The following CDH17 variants were observed in gnomAD, a reference collection of about 807,000 sequenced individuals.
The protein encoded by CDH17 is cadherin-17.
CDH17 carries 67 observed loss-of-function variants against 86.3 expected under a neutral mutation model. That is an observed-to-expected ratio of 0.78 (90% CI 0.64 to 0.95). CDH17 has a LOEUF of 0.95. CDH17 is among the 40% of genes least tolerant of loss of function. The probability of loss-of-function intolerance (pLI) is 0.00; values close to 1 mark genes in which losing one functional copy is unlikely to be tolerated. For missense variants in CDH17, 993 were observed against 1,017.6 expected (o/e 0.98, Z 0.33); for synonymous variants, 367 against 366.4 (o/e 1.00, Z -0.02).
chr8:94,172,510 A>G (rs1022139082), intron 7 of CDH17, among the ~76,000 whole-genome samples: 1 of 152,084 alleles, frequency 6.6e-6, no homozygotes. Flanking sequence ...TAATATTTTT[A>G]TCTACTTTTA....
upstream of CDH17, among the ~76,000 whole-genome samples, chr8:94,211,995 A>C (rs1384475140): frequency 1.3e-5 from 2 of 152,226 alleles, no homozygotes; most frequent in East Asian, 3.8e-4. Flanking sequence ...TAGAGTTCAC[A>C]GTTTTTGTTC....
chr8:94,207,896 G>A (rs541418553), intron 1 of CDH17, among the ~76,000 whole-genome samples: 12 of 152,312 alleles, frequency 7.9e-5, no homozygotes, highest in South Asian at 2.1e-4. Flanking sequence ...TGATTAACAC[G>A]CACATCAGCC....
intron 7 of CDH17, among the ~76,000 whole-genome samples, chr8:94,172,781 T>G (rs1003535963): frequency 6.6e-6 from 1 of 151,544 alleles, no homozygotes; most frequent in Non-Finnish European, 1.5e-5. Flanking sequence ...GGAGCTAAGG[T>G]AGGAGGGGGC....
Position 94,174,342 on chromosome 8 carries a change from T to G in CDH17, c.425-82A>C, listed in dbSNP as rs964274260. ...ACCAACCATAGCTACTTTTTCCATC[T>G]AAAAAGTGGAGATATAATAGGGAAA... On this transcript the variant is annotated intron_variant, in intron 5 of 17. Coordinates refer to ENST00000027335, the MANE Select transcript of CDH17 (RefSeq NM_004063.4). The G allele has an allele frequency of 6.1e-5, 84 of 1,370,770 alleles. No homozygotes were observed. The Middle Eastern group carries it at 6.6e-4, about 11-fold the overall frequency. 84.9% of individuals were successfully genotyped at this position (1,370,770 alleles called of 1,614,324 possible).
At chr8:94,145,330 C>T (rs79557193) in intron 15 of CDH17, among the ~76,000 whole-genome samples, 22 of 152,078 alleles carry the variant, frequency 1.4e-4, no homozygotes, top group East Asian at 9.7e-4. Context: ...GTAACAACAC[C>T]GATACATCTC....
intron 1 of CDH17, among the ~76,000 whole-genome samples, chr8:94,200,299 C>A (rs1226905391): frequency 6.6e-6 from 1 of 152,092 alleles, no homozygotes; most frequent in African/African-American, 2.4e-5. Context: ...AGCCAGACAC[C>A]TAGGTTTCCT....
intron 2 of CDH17, among the ~76,000 whole-genome samples, chr8:94,192,286 G>A (rs1274145164): frequency 1.3e-5 from 2 of 152,192 alleles, no homozygotes; most frequent in African/African-American, 4.8e-5. Flanking sequence ...ATGGTATGGT[G>A]GAAATCTGTG....
chr8:94,150,300 G>A (rs1365108162), intron 13 of CDH17, among the ~76,000 whole-genome samples: 1 of 152,158 alleles, frequency 6.6e-6, no homozygotes, highest in Non-Finnish European at 1.5e-5. Flanking sequence ...AGAGTGGGGT[G>A]GGGGACGGCA....
At chr8:94,199,066 TATATATATATATATATA>T (rs1327334004) in intron 1 of CDH17, among the ~76,000 whole-genome samples, 1,253 of 23,044 alleles carry the variant, frequency 0.054, 27 homozygotes, top group Non-Finnish European at 0.076. Context: ...TATATATATA[TATATATATATATATATA>T]TTTTTTTTTT....
chr8:94,168,442 C>G (rs1813208893), intron 9 of CDH17, among the ~76,000 whole-genome samples: 1 of 151,378 alleles, frequency 6.6e-6, no homozygotes, highest in Non-Finnish European at 1.5e-5. Flanking sequence ...TGCACCTGGC[C>G]TAATTCAGTA....
intron 10 of CDH17, 28 bp downstream of exon 10, chr8:94,165,733 C>T (rs1813138697): frequency 2.1e-6 from 3 of 1,412,754 alleles, no homozygotes; most frequent in Non-Finnish European, 3.0e-6. Flanking sequence ...CAATGATTTG[C>T]ACTCAAGACG....
At chr8:94,183,901 A>C (rs994372618) in intron 3 of CDH17, among the ~76,000 whole-genome samples, 3 of 152,170 alleles carry the variant, frequency 2.0e-5, no homozygotes, top group African/African-American at 7.2e-5. Context: ...TAGGCAAAGG[A>C]TTTGAATAGA....
At chr8:94,177,888 G>A (rs1813406269) in intron 3 of CDH17, among the ~76,000 whole-genome samples, 167 bp from the exon 4 acceptor site, 1 of 152,212 alleles carries the variant, frequency 6.6e-6, no homozygotes, top group South Asian at 2.1e-4. Context: ...CACAATAACT[G>A]TGTAACATTT....
At chr8:94,210,301 G>A (rs2129670993), upstream of CDH17, among the ~76,000 whole-genome samples, 1 of 149,528 alleles carries the variant, frequency 6.7e-6, no homozygotes, top group East Asian at 2.0e-4. Flanking sequence ...GTTGGAAGAT[G>A]GCCAAGTTCC....
At chr8:94,186,050 A>G (rs1039022717) in intron 3 of CDH17, among the ~76,000 whole-genome samples, 1 of 152,120 alleles carries the variant, frequency 6.6e-6, no homozygotes, top group African/African-American at 2.4e-5. Flanking sequence ...CCCTAAGAGC[A>G]GTTGAGATAA....
rs1300132506 is a variant in CDH17, at chr8:94,180,921, G to GCAAA, written c.151-3204_151-3201dup. Among the ~76,000 whole-genome samples, 829 of 95,080 alleles carry GCAAA rather than the reference G, an allele frequency of 8.7e-3. 13 individuals carry two copies. Among genetic ancestry groups the GCAAA allele is most frequent in the African/African-American group, 0.022 (532 of 24,648 alleles). The allele number at this position is 95,080 out of a possible 152,430, so 62.4% of individuals were successfully genotyped here. A position where few individuals can be genotyped will look rare whatever the true frequency, so the allele number is the denominator to read the frequency against. Reference sequence around the variant, plus strand: ...GAGACTCCGTCTCGAACAAAAACAAGCAAACAAACAAACAAACAAACCAAA... The same window carrying GCAAA: ...GAGACTCCGTCTCGAACAAAAACAAGCAAACAAACAAACAAACAAACAAACCAAA... On this transcript the variant is annotated intron_variant, in intron 3 of 17. Transcript: ENST00000027335.
In CDH17 at chr8:94,168,846, C is replaced by A. The variant is rs565884950; in HGVS notation, c.1066+1551G>T. ...GTTGAGTGCAGGCTGGACCTAGCAA[C>A]TTGTTTCTAATGGCAAAAGTGATGG... On this transcript the variant is annotated intron_variant, in intron 9 of 17. Coordinates refer to ENST00000027335, the MANE Select transcript of CDH17 (RefSeq NM_004063.4). Among the ~76,000 whole-genome samples the A allele has an allele frequency of 7.9e-5, 12 of 152,208 alleles. No individual in the cohort carries two copies. In the South Asian group the frequency reaches 2.3e-3, roughly 29 times the overall value.
intron 1 of CDH17, chr8:94,217,085 A>C (rs992607552): frequency 6.6e-6 from 1 of 152,124 alleles, no homozygotes; most frequent in Non-Finnish European, 1.5e-5. Flanking sequence ...CGATTCTCTC[A>C]GATTTGAATC....
At chr8:94,195,610 C>A (rs1261747578) in intron 1 of CDH17, among the ~76,000 whole-genome samples, 1 of 152,156 alleles carries the variant, frequency 6.6e-6, no homozygotes, top group Non-Finnish European at 1.5e-5. Flanking sequence ...CTTAAGGCTT[C>A]CCATTTCACA....
Sources: allele counts gnomAD v4.1 joint callset (sites outside exome capture counted in the v4.1 genomes callset), GRCh38; gene constraint gnomAD v4.1.1; transcripts MANE v1.5; gene names NCBI Gene and HGNC (gene_info 2026-07-23, HGNC 2026-07-21).